Variants in KLF7 observed in about 807,000 individuals in gnomAD.
KLF7 encodes the protein KLF transcription factor 7.
KLF7 carries 2 observed loss-of-function variants against 27.3 expected under a neutral mutation model. The observed-to-expected ratio is 0.07, with a 90% CI of 0.03 to 0.23. KLF7 has a LOEUF of 0.23. Among genes scored for constraint, KLF7 ranks in the 10% least tolerant of loss-of-function variants. KLF7 has a pLI of 1.00. For synonymous variants in KLF7, 165 were observed against 162.4 expected (o/e 1.02, Z -0.12); for missense variants, 221 against 394.1 (o/e 0.56, Z 3.72).
chr2:207,076,495 T>G lies in KLF7; in HGVS notation c.*4718A>C, dbSNP rs1364326704. On this transcript the variant is annotated 3_prime_UTR_variant, in exon 4 of 4. Coordinates refer to ENST00000309446, the MANE Select transcript of KLF7 (RefSeq NM_003709.4). ...GCACATAAGAAAGTTAACTGCAGCT[T>G]TATTTTTCCCTTTTCTGGGATCTAT... 6.6e-6 allele frequency: 1 copy of G among 152,192 alleles called. No homozygotes were observed. The highest frequency in any genetic ancestry group is 2.4e-5 in the African/African-American group (1 of 41,456). 9.4% of individuals were successfully genotyped at this position (152,192 alleles called of 1,614,324 possible). A position where few individuals can be genotyped will look rare whatever the true frequency, so the allele number is the denominator to read the frequency against.
intron 2 of KLF7, among the ~76,000 whole-genome samples, chr2:207,111,719 T>C (rs956751738): frequency 6.6e-6 from 1 of 152,184 alleles, no homozygotes; most frequent in Non-Finnish European, 1.5e-5. Context: ...GTTTTAAACA[T>C]GGAGACATCA....
At chr2:207,109,887 T>C (rs958093784) in intron 2 of KLF7, 2 of 154,816 alleles carry the variant, frequency 1.3e-5, no homozygotes, top group African/African-American at 2.4e-5. Flanking sequence ...AGCTCACTAA[T>C]GGCAATCTCT....
intron 1 of KLF7, among the ~76,000 whole-genome samples, chr2:207,153,167 C>G (rs985269616): frequency 6.6e-6 from 1 of 152,128 alleles, no homozygotes; most frequent in Non-Finnish European, 1.5e-5. Flanking sequence ...TTATGTTACA[C>G]ACCGAGATGA....
At chr2:207,082,735 C>T (rs1416750355) in intron 3 of KLF7, among the ~76,000 whole-genome samples, 1 of 152,194 alleles carries the variant, frequency 6.6e-6, no homozygotes, top group African/African-American at 2.4e-5. Context: ...GACACCCCTA[C>T]AGTCCAAAAC....
At chr2:207,093,513 G>A (rs1345218583) in intron 2 of KLF7, among the ~76,000 whole-genome samples, 1 of 152,132 alleles carries the variant, frequency 6.6e-6, no homozygotes, top group African/African-American at 2.4e-5. Flanking sequence ...TCCTCTTAGA[G>A]AACTTCCTTC....
intron 1 of KLF7, among the ~76,000 whole-genome samples, chr2:207,132,319 T>C (rs1371305547): frequency 6.6e-6 from 1 of 152,234 alleles, no homozygotes; most frequent in Non-Finnish European, 1.5e-5. Context: ...GTTTCTCACA[T>C]CTACTGGTTG....
At chr2:207,155,471 A>G (rs190160547) in intron 1 of KLF7, among the ~76,000 whole-genome samples, 1 of 152,238 alleles carries the variant, frequency 6.6e-6, no homozygotes, top group Admixed American at 6.5e-5. Context: ...AGTTAAAGAA[A>G]GAATGTGCCA....
At chr2:207,143,898 C>T (rs2078016788) in intron 1 of KLF7, among the ~76,000 whole-genome samples, 1 of 152,160 alleles carries the variant, frequency 6.6e-6, no homozygotes, top group South Asian at 2.1e-4. Context: ...GCCCATCCCC[C>T]ACACATTCCC....
At position 207,074,906 on chromosome 2, in the gene KLF7, C is replaced by T. The variant is rs1250320436; in HGVS notation, c.*6307G>A. 6.6e-6 allele frequency: 1 copy of T among 152,100 alleles called. No individual in the cohort carries two copies. The highest frequency in any genetic ancestry group is 2.4e-5 in the African/African-American group (1 of 41,416). The allele number at this position is 152,100 out of a possible 1,614,324, so 9.4% of individuals were successfully genotyped here. On this transcript the variant is annotated 3_prime_UTR_variant, in exon 4 of 4. Transcript: ENST00000309446. ...TGGGCATTGAGCTGCCTCAATGAAA[C>T]TATAAAATACACACATACGCACACA...
chr2:207,119,984 G>A (rs1485402773), intron 2 of KLF7, among the ~76,000 whole-genome samples: 3 of 152,134 alleles, frequency 2.0e-5, no homozygotes, highest in Admixed American at 6.5e-5. Flanking sequence ...GTGAGCCACC[G>A]CACCTGGCCC....
chr2:207,142,790 T>A (rs1000010961), intron 1 of KLF7, among the ~76,000 whole-genome samples: 13 of 152,190 alleles, frequency 8.5e-5, no homozygotes, highest in African/African-American at 2.9e-4. Flanking sequence ...TTCTGATGAA[T>A]GGGGTACACA....
upstream of KLF7, chr2:207,167,119 C>G (rs1574614096): frequency 7.0e-7 from 1 of 1,430,948 alleles, no homozygotes; most frequent in Non-Finnish European, 9.2e-7. Flanking sequence ...TGCGAGGGGG[C>G]CTTTACGTGA....
At chr2:207,133,076 G>A (rs938305126) in intron 1 of KLF7, among the ~76,000 whole-genome samples, 2 of 152,196 alleles carry the variant, frequency 1.3e-5, no homozygotes, top group African/African-American at 4.8e-5. Context: ...CTTCTGAATA[G>A]TCAAGAGACA....
At chr2:207,132,676 A>T (rs368062241) in intron 1 of KLF7, among the ~76,000 whole-genome samples, 83 of 152,346 alleles carry the variant, frequency 5.4e-4, no homozygotes, top group African/African-American at 1.9e-3. Flanking sequence ...TGCAGTGCAT[A>T]AAAGAAATTC....
chr2:207,158,960 G>C (rs2078464307), intron 1 of KLF7, among the ~76,000 whole-genome samples: 1 of 152,178 alleles, frequency 6.6e-6, no homozygotes, highest in Non-Finnish European at 1.5e-5. Context: ...TAAGCTGTGT[G>C]ACCTTGGAGA....
At chr2:207,081,501 T>C (rs1167842389) in intron 3 of KLF7, among the ~76,000 whole-genome samples, 1 of 152,172 alleles carries the variant, frequency 6.6e-6, no homozygotes, top group Non-Finnish European at 1.5e-5. Context: ...TAATTCCTCC[T>C]CAGTAGAGTG....
intron 2 of KLF7, among the ~76,000 whole-genome samples, chr2:207,119,368 A>G (rs1461421204): frequency 6.6e-6 from 1 of 152,222 alleles, no homozygotes. Context: ...TCTTCTCAGA[A>G]GTAATTAAGA....
intron 2 of KLF7, among the ~76,000 whole-genome samples, chr2:207,096,566 T>C (rs2076634990): frequency 6.6e-6 from 1 of 152,208 alleles, no homozygotes. Flanking sequence ...AAGCAGCACA[T>C]ACCAAGGCCC....
At chr2:207,104,040 G>A (rs750242643) in intron 2 of KLF7, among the ~76,000 whole-genome samples, 1 of 152,158 alleles carries the variant, frequency 6.6e-6, no homozygotes, top group Admixed American at 6.5e-5. Context: ...AGAGGCTGGT[G>A]TTTCATTCAA....
Sources: allele counts gnomAD v4.1 joint callset (sites outside exome capture counted in the v4.1 genomes callset), GRCh38; gene constraint gnomAD v4.1.1; transcripts MANE v1.5; gene names NCBI Gene and HGNC (gene_info 2026-07-23, HGNC 2026-07-21).